The following LIMA1 variants were observed in gnomAD, a reference collection of about 807,000 sequenced individuals.
LIMA1 encodes LIM domain and actin binding 1.
LIMA1 carries 52 observed loss-of-function variants against 62.6 expected under a neutral mutation model. The observed-to-expected ratio is 0.83, with a 90% CI of 0.67 to 1.05. The LOEUF is 1.05. Ranked by LOEUF, LIMA1 falls within the 50% of genes least tolerant of loss-of-function variation. The probability of loss-of-function intolerance (pLI) is 0.00; values close to 1 mark genes in which losing one functional copy is unlikely to be tolerated. For synonymous variants in LIMA1, 302 were observed against 317.8 expected, an observed-to-expected ratio of 0.95 and a Z score of 0.53; for missense variants, 780 against 902.2, an observed-to-expected ratio of 0.86 and a Z score of 1.74.
At chr12:50,275,129 G>T (rs1942260798) in intron 1 of LIMA1, among the ~76,000 whole-genome samples, 1 of 152,054 alleles carries the variant, frequency 6.6e-6, no homozygotes, top group African/African-American at 2.4e-5. Context: ...AGCTGAGGTG[G>T]GCAGATCACT....
chr12:50,216,941 A>T (rs1399799654), intron 4 of LIMA1, among the ~76,000 whole-genome samples: 1 of 152,146 alleles, frequency 6.6e-6, no homozygotes, highest in Non-Finnish European at 1.5e-5. Context: ...AATGTAGAGA[A>T]TAACTGAGAA....
At chr12:50,226,326 G>A (rs1941527417) in intron 3 of LIMA1, among the ~76,000 whole-genome samples, 1 of 152,134 alleles carries the variant, frequency 6.6e-6, no homozygotes, top group Admixed American at 6.5e-5. Context: ...ACAGGTGTGA[G>A]CTACCATGCC....
At chr12:50,183,618 CT>C (rs950669275) in intron 9 of LIMA1, among the ~76,000 whole-genome samples, 1 of 151,964 alleles carries the variant, frequency 6.6e-6, no homozygotes, top group Non-Finnish European at 1.5e-5. Context: ...CAAGACCAGC[CT>C]GGCCAACATA....
Position 50,206,015 on chromosome 12 carries a change from G to T in LIMA1, c.684C>A (p.Ser228Arg). The T allele has an allele frequency of 2.5e-6, 4 of 1,612,516 alleles. No homozygotes were observed. The highest frequency in any genetic ancestry group is 2.5e-6 in the Non-Finnish European group (3 of 1,178,968). The change falls in exon 5 of 11, where the codon AGC becomes AGA. Residue 228 changes from serine (S) to arginine (R), a missense_variant. Transcript: ENST00000341247. ...SASGRKISENSYSLDDLEIGP... is the reference protein window; with the variant it reads ...SASGRKISENRYSLDDLEIGP... ...CTATTTCCAGGTCATCTAGAGAATAGCTGTTTTCAGAGATCTTCCTTCCAC... is the reference window on the plus strand; with the variant it reads ...CTATTTCCAGGTCATCTAGAGAATATCTGTTTTCAGAGATCTTCCTTCCAC...
chr12:50,190,834 C>T (rs1940749777), intron 9 of LIMA1, among the ~76,000 whole-genome samples: 1 of 149,910 alleles, frequency 6.7e-6, no homozygotes. Context: ...AACAACAGGG[C>T]CAGGTGTGTT....
intron 3 of LIMA1, among the ~76,000 whole-genome samples, chr12:50,223,970 G>T (rs185557187): frequency 1.3e-5 from 2 of 152,022 alleles, no homozygotes; most frequent in African/African-American, 2.4e-5. Flanking sequence ...CCTGGGAGGC[G>T]GAGGTTGCAG....
At chr12:50,263,903 G>GTGTA (rs1555210909) in intron 1 of LIMA1, among the ~76,000 whole-genome samples, 1 of 137,094 alleles carries the variant, frequency 7.3e-6, no homozygotes, top group African/African-American at 2.8e-5. Context: ...TATAAAGTAT[G>GTGTA]TATATATATA....
chr12:50,278,684 C>T (rs1046094957), intron 1 of LIMA1, among the ~76,000 whole-genome samples: 1 of 151,986 alleles, frequency 6.6e-6, no homozygotes, highest in Non-Finnish European at 1.5e-5. Context: ...AAAACCAAAA[C>T]ACAAATAAAT....
chr12:50,222,723 C>G, intron 3 of LIMA1: 3 of 1,392,526 alleles, frequency 2.2e-6, no homozygotes, highest in Non-Finnish European at 2.8e-6. Flanking sequence ...AACAGGATGG[C>G]CTTATAAGGA....
intron 2 of LIMA1, among the ~76,000 whole-genome samples, chr12:50,240,032 ATAACATAACATAACATAACATAAC>A (rs1941752681): frequency 1.3e-5 from 2 of 149,124 alleles, no homozygotes; most frequent in Non-Finnish European, 3.0e-5. Context: ...ATAACATAAC[ATAACATAACATAACATAACATAAC>A]ATAAAATAAA....
rs114677322 is a variant in LIMA1 at position 50,246,421 on chromosome 12, C to T, written c.119+2212G>A. Among the ~76,000 whole-genome samples the T allele has an allele frequency of 9.9e-3, 1,505 of 152,018 alleles. 26 individuals carry two copies. The highest frequency in any genetic ancestry group is 0.035 in the African/African-American group (1,451 of 41,460). On this transcript the variant is annotated intron_variant, in intron 2 of 10. Transcript: ENST00000341247. ...AAGTCCCATAATCACATCTCAACACCGTCTGATATCCTTCCCTTTCTCTCT... is the reference window on the plus strand; with the variant it reads ...AAGTCCCATAATCACATCTCAACACTGTCTGATATCCTTCCCTTTCTCTCT...
At chr12:50,219,708 G>A (rs1941409340) in intron 4 of LIMA1, 1 of 152,010 alleles carries the variant, frequency 6.6e-6, no homozygotes, top group Non-Finnish European at 1.5e-5. Flanking sequence ...GTTTTTAAGG[G>A]ACAGGGATCT....
intron 2 of LIMA1, among the ~76,000 whole-genome samples, chr12:50,240,004 AACAT>A (rs1221513569): frequency 8.0e-6 from 1 of 124,398 alleles, no homozygotes. Context: ...AAAATAACAT[AACAT>A]AACATAACAT....
chr12:50,240,973 G>A (rs1941769035), intron 2 of LIMA1, among the ~76,000 whole-genome samples: 1 of 152,168 alleles, frequency 6.6e-6, no homozygotes, highest in Admixed American at 6.5e-5. Flanking sequence ...AAGCAAAAAT[G>A]TGGGAGGGAA....
At chr12:50,184,879 T>C (rs1232269250) in intron 9 of LIMA1, among the ~76,000 whole-genome samples, 1 of 152,142 alleles carries the variant, frequency 6.6e-6, no homozygotes, top group Non-Finnish European at 1.5e-5. Context: ...TCACCCAGAC[T>C]GGAGTACAGT....
At chr12:50,268,594 A>AATTATTATTATTATTATTATTATTATT (rs140101130) in intron 1 of LIMA1, among the ~76,000 whole-genome samples, 1 of 149,188 alleles carries the variant, frequency 6.7e-6, no homozygotes, top group Non-Finnish European at 1.5e-5. Flanking sequence ...GCCATGAAGC[A>AATTATTATTATTATTATTATTATTATT]ATTATTATTA....
At chr12:50,267,630 C>T (rs1052011423) in intron 1 of LIMA1, among the ~76,000 whole-genome samples, 10 of 152,080 alleles carry the variant, frequency 6.6e-5, no homozygotes, top group Admixed American at 6.6e-4. Context: ...AGCAATTCTC[C>T]TGCCTCAGCC....
chr12:50,246,985 TCCAGG>T (rs1269704625), intron 2 of LIMA1, among the ~76,000 whole-genome samples: 1 of 152,106 alleles, frequency 6.6e-6, no homozygotes, highest in Non-Finnish European at 1.5e-5. Context: ...TTAAAACATG[TCCAGG>T]CCAGGCACAG....
intron 7 of LIMA1, among the ~76,000 whole-genome samples, chr12:50,199,022 C>T (rs1279263085): frequency 6.6e-6 from 1 of 152,078 alleles, no homozygotes; most frequent in African/African-American, 2.4e-5. Flanking sequence ...CCTCATGCTC[C>T]AGCCAAGTCA....
Sources: gnomAD v4.1 joint callset for allele counts (sites outside exome capture counted in the v4.1 genomes callset) on GRCh38, gnomAD v4.1.1 for gene constraint, MANE v1.5 for transcripts, NCBI Gene and HGNC (gene_info 2026-07-23, HGNC 2026-07-21) for gene names.